Variants in SORCS1 observed in about 807,000 individuals in gnomAD.
SORCS1 encodes the protein VPS10 domain-containing receptor SorCS1.
A neutral mutation model predicts 146.1 loss-of-function variants in SORCS1; 60 were observed. The ratio of observed to expected loss-of-function variants is 0.41; its 90% CI spans 0.33 to 0.51. SORCS1 has a LOEUF of 0.51. Ranked by LOEUF, SORCS1 falls within the 20% of genes least tolerant of loss-of-function variation. The pLI is 0.21. For synonymous variants in SORCS1, 637 were observed against 584.0 expected (o/e 1.09, Z -1.31); for missense variants, 1,352 against 1,487.6 (o/e 0.91, Z 1.50).
At chr10:106,745,276 G>C (rs1284868441) in intron 5 of SORCS1, among the ~76,000 whole-genome samples, 1 of 152,012 alleles carries the variant, frequency 6.6e-6, no homozygotes, top group African/African-American at 2.4e-5. Flanking sequence ...GCTGGGCATG[G>C]TGGCAGGTGC....
At chr10:106,603,994 CTG>C (rs1163672574) in intron 23 of SORCS1, among the ~76,000 whole-genome samples, 1 of 152,116 alleles carries the variant, frequency 6.6e-6, no homozygotes, top group African/African-American at 2.4e-5. Context: ...CAAGTGAAAA[CTG>C]TGAACCTGCA....
At chr10:106,978,280 C>G (rs1956117041) in intron 1 of SORCS1, among the ~76,000 whole-genome samples, 1 of 152,084 alleles carries the variant, frequency 6.6e-6, no homozygotes, top group South Asian at 2.1e-4. Context: ...GGTGGGAGAT[C>G]AGAATGATGT....
intron 2 of SORCS1, among the ~76,000 whole-genome samples, chr10:106,874,771 C>T (rs527567129): frequency 7.6e-4 from 115 of 152,092 alleles, no homozygotes; most frequent in African/African-American, 2.1e-3. Context: ...ATAGTTCAGA[C>T]GGTGATGACT....
intron 2 of SORCS1, among the ~76,000 whole-genome samples, chr10:106,885,075 G>T (rs1247710621): frequency 6.6e-6 from 1 of 152,072 alleles, no homozygotes; most frequent in Non-Finnish European, 1.5e-5. Context: ...GTGTGATTTT[G>T]GATAGTAGAA....
intron 17 of SORCS1, among the ~76,000 whole-genome samples, chr10:106,661,664 G>A (rs1850738850): frequency 6.6e-6 from 1 of 152,178 alleles, no homozygotes; most frequent in Non-Finnish European, 1.5e-5. Context: ...AAATTCTGAA[G>A]GCAAATAGCA....
In SORCS1 at chr10:106,834,880, T is replaced by A. The variant is rs12261971; in HGVS notation, c.627-5207A>T. On this transcript the variant is annotated intron_variant, in intron 2 of 25. Coordinates refer to ENST00000263054, the MANE Select transcript of SORCS1 (RefSeq NM_052918.5). ...AGAGCTTCTGTCAACACCTATACTG[T>A]GCCAGAAGAAGCTAAAAGCTTAACA... 9.1e-3 allele frequency among the ~76,000 whole-genome samples: 1,385 copies of A among 152,308 alleles called. 18 individuals carry two copies. Among genetic ancestry groups the A allele is most frequent in the African/African-American group, 0.032 (1,323 of 41,572 alleles).
Position 106,579,239 on chromosome 10 carries a change from C to A in SORCS1, c.3371+130G>T, listed in dbSNP as rs1234563848. 13 of 1,613,950 alleles carry A rather than the reference C, an allele frequency of 8.1e-6. No homozygotes were observed. In the East Asian group the frequency reaches 2.2e-4, roughly 28 times the overall value. On this transcript the variant is annotated intron_variant, in intron 25 of 25. Coordinates refer to ENST00000263054, the MANE Select transcript of SORCS1 (RefSeq NM_052918.5). Reference sequence around the variant, plus strand: ...TCTGCATCTGGGCATAAACATTAATCCCCGGGATCTTCCTAAAATATTAAT... The same window carrying A: ...TCTGCATCTGGGCATAAACATTAATACCCGGGATCTTCCTAAAATATTAAT...
chr10:107,055,492 C>T (rs893851660), intron 1 of SORCS1, among the ~76,000 whole-genome samples: 28 of 152,172 alleles, frequency 1.8e-4, no homozygotes, highest in African/African-American at 6.5e-4. Context: ...TTTAAAAAAG[C>T]AAAGCCAGTC....
intron 1 of SORCS1, among the ~76,000 whole-genome samples, chr10:106,997,521 T>C (rs1371288127): frequency 6.6e-6 from 1 of 152,120 alleles, no homozygotes; most frequent in African/African-American, 2.4e-5. Context: ...TCATCTCATC[T>C]CTAAGCATGT....
intron 5 of SORCS1, among the ~76,000 whole-genome samples, chr10:106,739,341 C>T (rs185483949): frequency 6.6e-6 from 1 of 151,888 alleles, no homozygotes; most frequent in African/African-American, 2.4e-5. Context: ...AAAAATTATC[C>T]TGGCGTGGTG....
intron 25 of SORCS1, 186 bp from the exon 26 acceptor site, chr10:106,577,741 A>G (rs1209685381): frequency 1.3e-5 from 16 of 1,223,738 alleles, no homozygotes; most frequent in Non-Finnish European, 1.1e-6. Context: ...CCAAAAATGC[A>G]CTTAGAAGCT....
intron 1 of SORCS1, among the ~76,000 whole-genome samples, chr10:107,074,660 T>G (rs916636707): frequency 1.3e-5 from 2 of 152,316 alleles, no homozygotes; most frequent in South Asian, 4.1e-4. Flanking sequence ...CCATTCCTAA[T>G]AGCAATGAAG....
At chr10:106,992,736 A>T (rs1334134210) in intron 1 of SORCS1, among the ~76,000 whole-genome samples, 1 of 151,174 alleles carries the variant, frequency 6.6e-6, no homozygotes, top group East Asian at 1.9e-4. Flanking sequence ...ACCTCAAGCA[A>T]TCCTCCATCT....
intron 1 of SORCS1, among the ~76,000 whole-genome samples, chr10:107,046,790 AG>A (rs1959495983): frequency 6.6e-6 from 1 of 152,226 alleles, no homozygotes; most frequent in African/African-American, 2.4e-5. Context: ...ATCTTGAATT[AG>A]GATAAGCCTC....
At chr10:107,153,287 G>C (rs1455554697) in intron 1 of SORCS1, among the ~76,000 whole-genome samples, 3 of 151,982 alleles carry the variant, frequency 2.0e-5, no homozygotes, top group Non-Finnish European at 4.4e-5. Flanking sequence ...TTTTAAGAGT[G>C]GAGACTTAAA....
In SORCS1 at chr10:106,849,960, C is replaced by T. The variant is rs541104449; in HGVS notation, c.627-20287G>A. On this transcript the variant is annotated intron_variant, in intron 2 of 25. Transcript: ENST00000263054. ...CTGCCCGTTCTCAGATCTCCAGCTG[C>T]GTGCTGGAAGAACCACTGCTGTCTT... Among the ~76,000 whole-genome samples, 40 of 152,236 alleles carry T rather than the reference C, an allele frequency of 2.6e-4. No individual in the cohort carries two copies. In the South Asian group the frequency reaches 5.0e-3, roughly 19 times the overall value.
chr10:106,821,457 AAT>A (rs1948019216), intron 3 of SORCS1, among the ~76,000 whole-genome samples: 1 of 152,240 alleles, frequency 6.6e-6, no homozygotes, highest in Non-Finnish European at 1.5e-5. Context: ...TTATAATGTC[AAT>A]AACATATAAA....
intron 2 of SORCS1, among the ~76,000 whole-genome samples, chr10:106,926,504 A>C (rs1382580126): frequency 1.3e-5 from 2 of 152,170 alleles, no homozygotes; most frequent in Admixed American, 6.5e-5. Context: ...ATACCCTTGA[A>C]GTGCTTAGCC....
intron 2 of SORCS1, among the ~76,000 whole-genome samples, chr10:106,882,519 G>A (rs1223864467): frequency 2.6e-5 from 4 of 152,140 alleles, no homozygotes; most frequent in African/African-American, 4.8e-5. Context: ...ACAGATAGGT[G>A]CAGCTGTGTT....
Sources: gnomAD v4.1 joint callset for allele counts (sites outside exome capture counted in the v4.1 genomes callset) on GRCh38, gnomAD v4.1.1 for gene constraint, MANE v1.5 for transcripts, NCBI Gene and HGNC (gene_info 2026-07-23, HGNC 2026-07-21) for gene names.